The following FNDC3A variants were observed in gnomAD, a reference collection of about 807,000 sequenced individuals.
The protein encoded by FNDC3A is fibronectin type III domain containing 3A, also known as fibronectin type-III domain-containing protein 3A.
FNDC3A carries 32 observed loss-of-function variants against 148.9 expected under a neutral mutation model. The ratio of observed to expected loss-of-function variants is 0.21; its 90% CI spans 0.16 to 0.29. The LOEUF is 0.29. Ranked by LOEUF, FNDC3A falls within the 10% of genes least tolerant of loss-of-function variation. The pLI, the probability that FNDC3A is intolerant of heterozygous loss-of-function variation, is 1.00. For missense variants in FNDC3A, 1,191 were observed against 1,452.8 expected, an observed-to-expected ratio of 0.82 and a Z score of 2.93; for synonymous variants, 472 against 473.6, an observed-to-expected ratio of 1.00 and a Z score of 0.04.
intron 3 of FNDC3A, among the ~76,000 whole-genome samples, chr13:49,100,439 C>CGTAA (rs1566249590): frequency 6.6e-6 from 1 of 152,074 alleles, no homozygotes; most frequent in African/African-American, 2.4e-5. Context: ...ATCCCTCTTA[C>CGTAA]GCTAAGCGTT....
At chr13:49,051,493 T>C (rs1314728432) in intron 2 of FNDC3A, among the ~76,000 whole-genome samples, 1 of 152,202 alleles carries the variant, frequency 6.6e-6, no homozygotes, top group Admixed American at 6.5e-5. Context: ...GAGGCTAAAA[T>C]AGGACCTCAA....
chr13:49,017,661 T>C (rs1346303950), intron 2 of FNDC3A, among the ~76,000 whole-genome samples: 2 of 152,162 alleles, frequency 1.3e-5, no homozygotes, highest in Non-Finnish European at 1.5e-5. Context: ...TAGCTGGTTA[T>C]TTTGCTCATT....
At chr13:49,193,737 T>C (rs1480137788) in intron 19 of FNDC3A, among the ~76,000 whole-genome samples, 1 of 152,054 alleles carries the variant, frequency 6.6e-6, no homozygotes, top group Non-Finnish European at 1.5e-5. Context: ...CTGACCGACA[T>C]GGTGAAACCC....
At chr13:49,203,359 T>G in intron 25 of FNDC3A, 75 bp downstream of exon 25, 1 of 1,075,120 alleles carries the variant, frequency 9.3e-7, no homozygotes, top group Non-Finnish European at 1.4e-6. Context: ...CAGTGTAAGA[T>G]TTGGCCATCT....
chr13:49,018,900 A>C (rs1468235177), intron 2 of FNDC3A, among the ~76,000 whole-genome samples: 2 of 152,146 alleles, frequency 1.3e-5, no homozygotes, highest in African/African-American at 2.4e-5. Flanking sequence ...GGTGCCTCCC[A>C]GTTGGGCTGC....
Position 49,114,666 on chromosome 13 carries a change from G to A in FNDC3A, c.187G>A (p.Val63Ile). The change falls in exon 4 of 26, where the codon GTT becomes ATT. Residue 63 changes from valine (V) to isoleucine (I), a missense_variant. Val to Ile is a conservative substitution (Grantham distance 29, BLOSUM62 3). Coordinates refer to ENST00000492622, the MANE Select transcript of FNDC3A (RefSeq NM_001079673.2). ...TGTGACCCATTCAGGTCCTGCTCAG[G>A]TTCCAATGATGTCCCCAAATGGTTC... ...QFQCITGPAQ[V>I]PMMSPNGSVP... 1 of 1,612,076 alleles carries A rather than the reference G, an allele frequency of 6.2e-7. No individual in the cohort carries two copies. Among genetic ancestry groups the A allele is most frequent in the South Asian group, 1.1e-5 (1 of 91,034 alleles).
chr13:49,150,889 G>C (rs2137981814), intron 8 of FNDC3A, among the ~76,000 whole-genome samples: 1 of 145,642 alleles, frequency 6.9e-6, no homozygotes, highest in Middle Eastern at 3.8e-3. Context: ...AGGTTGCAGT[G>C]AGCCAAGATG....
intron 1 of FNDC3A, among the ~76,000 whole-genome samples, chr13:48,989,754 CTTTT>C (rs35947839): frequency 7.0e-6 from 1 of 143,748 alleles, no homozygotes; most frequent in Non-Finnish European, 1.5e-5. Context: ...TTAAAGATAA[CTTTT>C]TTTTTTTTTT....
At chr13:49,165,920 A>G (rs1185254331) in intron 8 of FNDC3A, among the ~76,000 whole-genome samples, 1 of 152,100 alleles carries the variant, frequency 6.6e-6, no homozygotes, top group East Asian at 1.9e-4. Context: ...TCAGGCCACC[A>G]GGAGGAGTGC....
chr13:49,193,485 C>G (rs1885994168), intron 19 of FNDC3A, among the ~76,000 whole-genome samples: 1 of 152,136 alleles, frequency 6.6e-6, no homozygotes, highest in African/African-American at 2.4e-5. Context: ...TGGTCTCAAA[C>G]TCTCGGGCTC....
chr13:49,113,298 G>A (rs1291425447), intron 3 of FNDC3A, among the ~76,000 whole-genome samples: 4 of 68,194 alleles, frequency 5.9e-5, no homozygotes, highest in Non-Finnish European at 8.6e-5. Context: ...CCTTACCCCT[G>A]TTTAGTATTT....
At chr13:49,116,798 A>AC (rs976273404) in intron 4 of FNDC3A, among the ~76,000 whole-genome samples, 10 of 151,876 alleles carry the variant, frequency 6.6e-5, no homozygotes, top group Non-Finnish European at 2.9e-5. Flanking sequence ...AAAAAAAAAA[A>AC]AATCCTATAA....
intron 8 of FNDC3A, among the ~76,000 whole-genome samples, chr13:49,163,665 T>C (rs547286187): frequency 4.4e-4 from 67 of 152,316 alleles, no homozygotes; most frequent in African/African-American, 1.5e-3. Flanking sequence ...CCCAGTGAGA[T>C]GAACCTGGTA....
intron 2 of FNDC3A, among the ~76,000 whole-genome samples, chr13:49,053,153 C>G (rs1275232894): frequency 6.6e-6 from 1 of 152,182 alleles, no homozygotes; most frequent in East Asian, 1.9e-4. Context: ...ATGAGCCTCC[C>G]CATTCAGAAA....
chr13:49,176,979 G>A (rs932833274), intron 13 of FNDC3A, among the ~76,000 whole-genome samples: 6 of 152,026 alleles, frequency 3.9e-5, no homozygotes. Context: ...TTTATTTTTT[G>A]TAGTGACAGA....
At chr13:49,112,957 G>C (rs1715748507) in intron 3 of FNDC3A, among the ~76,000 whole-genome samples, 2 of 152,026 alleles carry the variant, frequency 1.3e-5, no homozygotes, top group Admixed American at 6.6e-5. Context: ...ATATTATATA[G>C]TGTAATTTAG....
chr13:49,039,972 C>A (rs1449051446), intron 2 of FNDC3A, among the ~76,000 whole-genome samples: 1 of 152,190 alleles, frequency 6.6e-6, no homozygotes, highest in African/African-American at 2.4e-5. Context: ...CCTCAGCCTC[C>A]CAAAGTACTG....
intron 25 of FNDC3A, among the ~76,000 whole-genome samples, chr13:49,204,537 C>T (rs369370260): frequency 6.6e-6 from 1 of 152,132 alleles, no homozygotes; most frequent in Non-Finnish European, 1.5e-5. Flanking sequence ...TTTATTAAGC[C>T]ATCTGCAAAT....
At chr13:49,019,186 C>T (rs1444956207) in intron 2 of FNDC3A, among the ~76,000 whole-genome samples, 11 of 151,438 alleles carry the variant, frequency 7.3e-5, no homozygotes, top group East Asian at 3.9e-4. Flanking sequence ...CAATGGCGGG[C>T]GCCCCTCCCC....
Sources: gnomAD v4.1 joint callset for allele counts (sites outside exome capture counted in the v4.1 genomes callset) on GRCh38, gnomAD v4.1.1 for gene constraint, MANE v1.5 for transcripts, NCBI Gene and HGNC (gene_info 2026-07-23, HGNC 2026-07-21) for gene names.